CHD6: variants seen among roughly 807,000 people sequenced by gnomAD.
The protein encoded by CHD6 is ATP-dependent chromatin remodeler CHD6.
CHD6 carries 50 observed loss-of-function variants against 276.9 expected under a neutral mutation model. The observed-to-expected ratio is 0.18, with a 90% confidence interval of 0.14 to 0.23. The LOEUF (loss-of-function observed/expected upper bound fraction) is 0.23. CHD6 is among the 10% of genes least tolerant of loss of function. CHD6 has a pLI of 1.00. For synonymous variants in CHD6, 1,173 were observed against 1,229.3 expected (o/e 0.95, Z 0.96); for missense variants, 2,564 against 3,365.8 (o/e 0.76, Z 5.89).
chr20:41,583,341 C>T (rs2045560352), intron 1 of CHD6, among the ~76,000 whole-genome samples: 1 of 151,870 alleles, frequency 6.6e-6, no homozygotes, highest in Admixed American at 6.6e-5. Flanking sequence ...CACCAGACTA[C>T]TCATCAGATT....
At chr20:41,580,852 T>C (rs2045530227) in intron 1 of CHD6, among the ~76,000 whole-genome samples, 1 of 152,122 alleles carries the variant, frequency 6.6e-6, no homozygotes, top group Non-Finnish European at 1.5e-5. Flanking sequence ...CTGGGAAATT[T>C]ATTTCTCTAT....
At chr20:41,425,745 T>C (rs1308929120) in intron 28 of CHD6, among the ~76,000 whole-genome samples, 3 of 151,098 alleles carry the variant, frequency 2.0e-5, no homozygotes, top group Non-Finnish European at 4.4e-5. Context: ...TTCAGAAAAT[T>C]CAAAAACCAA....
At position 41,513,004 on chromosome 20, in the gene CHD6, C is replaced by A. The variant is rs1342625958; in HGVS notation, c.703-9G>T. ...CTTCCCGAGCGTCGTTTCTGTAGGG[C>A]AAACACACCCGTCAGAGAAGCTCTC... On this transcript the variant is annotated splice_polypyrimidine_tract_variant and intron_variant, in intron 4 of 36. Transcript: ENST00000373233. The A allele has an allele frequency of 1.2e-6, 2 of 1,613,942 alleles. No individual in the cohort carries two copies. Among genetic ancestry groups the A allele is most frequent in the African/African-American group, 2.7e-5 (2 of 75,038 alleles).
chr20:41,415,620 C>G lies in CHD6; in HGVS notation c.6505G>C (p.Val2169Leu). 1 of 1,597,542 alleles carries G rather than the reference C, an allele frequency of 6.3e-7. No homozygotes were observed. Among genetic ancestry groups the G allele is most frequent in the Non-Finnish European group, 8.5e-7 (1 of 1,173,322 alleles). The change falls in exon 34 of 37, where the codon GTA (valine) becomes CTA (leucine). Residue 2169 changes from valine (V) to leucine (L), a missense_variant. Physicochemically the swap from Val to Leu is conservative, Grantham distance 32. Coordinates refer to ENST00000373233, the MANE Select transcript of CHD6 (RefSeq NM_032221.5). ...QIHKESFLAP[V>L]FTKDEQKHRR... ...TGCTTTTGTTCATCCTTTGTGAATA[C>G]TGGAGCTAAGAAGCTCTCCTGTGAA...
rs2145965208 is a variant in CHD6 at position 41,512,918 on chromosome 20, C to T, written c.780G>A (p.Gly260=). The change falls in exon 5 of 37, where the codon GGG becomes GGA. Residue 260 remains glycine (G), a synonymous_variant. Transcript: ENST00000373233. The part of the protein sequence containing the change: ...DLDFKVVDDD[G]ETIAVLGAGR... ...CAGCTCCAAGAACAGCAATTGTTTC[C>T]CCATCATCATCCACCACTTTGAAGT... 1.2e-6 allele frequency: 2 copies of T among 1,613,976 alleles called. No homozygotes were observed. The highest frequency in any genetic ancestry group is 1.7e-6 in the Non-Finnish European group (2 of 1,179,944).
chr20:41,489,810 G>A lies in CHD6; in HGVS notation c.1648C>T (p.Gln550Ter). Residue 550 changes from glutamine to a stop codon, truncating the protein, a stop_gained, in exon 12 of 37, where the codon CAG (glutamine) becomes TAG (stop). Transcript: ENST00000373233. LOFTEE classifies it high-confidence loss of function. Reference protein sequence around the residue: ...HGSQISRQMIQQYEMVYRDAQ... With the variant: ...HGSQISRQMI ...TCTCTGTACACCATTTCATACTGCT[G>A]GATCATCTGCCTGCTGATCTGGCTG... is the stretch of plus-strand genomic sequence containing the variant. 6.2e-7 allele frequency: 1 copy of A among 1,613,962 alleles called. No individual in the cohort carries two copies. Among genetic ancestry groups the A allele is most frequent in the Non-Finnish European group, 8.5e-7 (1 of 1,179,912 alleles).
In CHD6 at chr20:41,421,087, T is replaced by A; in HGVS notation, c.5548A>T (p.Asn1850Tyr). 6.2e-7 allele frequency: 1 copy of A among 1,614,184 alleles called. No individual in the cohort carries two copies. ...SDQQLIDLLE[N>Y]KSLESKLILS... is the part of the protein sequence containing the mutation. ...ATCAATTTACTTTCTAAGCTTTTGT[T>A]TTCCAATAAATCAATTAATTGCTGA... Residue 1850 changes from asparagine to tyrosine, a missense_variant, in exon 31 of 37, where the codon AAC (asparagine) becomes TAC (tyrosine). Physicochemically the swap from Asn to Tyr is moderately radical, Grantham distance 143. Coordinates refer to ENST00000373233, the MANE Select transcript of CHD6 (RefSeq NM_032221.5).
chr20:41,594,906 T>C (rs1169879013), intron 1 of CHD6, among the ~76,000 whole-genome samples: 3 of 152,238 alleles, frequency 2.0e-5, no homozygotes, highest in Admixed American at 6.5e-5. Flanking sequence ...CAGTGTGTTC[T>C]TGTGATCGGA....
chr20:41,487,542 A>C (rs949279121), intron 14 of CHD6, 123 bp downstream of exon 14: 23 of 899,586 alleles, frequency 2.6e-5, no homozygotes, highest in Non-Finnish European at 3.6e-5. Context: ...AAAATAAAGG[A>C]GGTAACGCTC....
At chr20:41,593,954 G>A (rs909961247) in intron 1 of CHD6, among the ~76,000 whole-genome samples, 1 of 150,834 alleles carries the variant, frequency 6.6e-6, no homozygotes, top group Non-Finnish European at 1.5e-5. Context: ...TTTTGGTATG[G>A]CCCTAACGAA....
At chr20:41,501,836 T>G (rs968726007) in intron 5 of CHD6, among the ~76,000 whole-genome samples, 1 of 152,208 alleles carries the variant, frequency 6.6e-6, no homozygotes, top group Non-Finnish European at 1.5e-5. Context: ...CTTTAGCATG[T>G]TAGCCATTCT....
chr20:41,567,143 ACT>A (rs1332997585), intron 1 of CHD6, among the ~76,000 whole-genome samples: 1 of 151,780 alleles, frequency 6.6e-6, no homozygotes, highest in African/African-American at 2.4e-5. Context: ...CCAAGATAAG[ACT>A]CTGTTGTTAA....
chr20:41,456,419 T>C (rs2048379114), intron 18 of CHD6, among the ~76,000 whole-genome samples: 1 of 151,880 alleles, frequency 6.6e-6, no homozygotes, highest in Non-Finnish European at 1.5e-5. Flanking sequence ...TGAGGTCATT[T>C]CTCAACTAAA....
intron 16 of CHD6, among the ~76,000 whole-genome samples, chr20:41,475,062 T>C (rs569248518): frequency 6.6e-6 from 1 of 152,324 alleles, no homozygotes; most frequent in East Asian, 1.9e-4. Flanking sequence ...TTTTGTGTCA[T>C]AGACAAAGGC....
chr20:41,478,606 A>G (rs2043220634), intron 16 of CHD6, among the ~76,000 whole-genome samples: 1 of 152,124 alleles, frequency 6.6e-6, no homozygotes, highest in South Asian at 2.1e-4. Context: ...AGAAATAGAG[A>G]TGGGAACCCC....
chr20:41,500,999 G>A (rs2043817394), intron 5 of CHD6, among the ~76,000 whole-genome samples: 2 of 152,156 alleles, frequency 1.3e-5, no homozygotes, highest in African/African-American at 2.4e-5. Context: ...AAAGCTAGGT[G>A]TGCATTAATG....
At position 41,425,720 on chromosome 20, in the gene CHD6, C is replaced by T. The variant is rs372377424; in HGVS notation, c.4130-326G>A. On this transcript the variant is annotated intron_variant, in intron 28 of 36. Transcript: ENST00000373233. ...CCTGCACCTTCCAATTACCAAAGCT[C>T]CTCTCACGTCTGAATTCAGAAAATT... Among the ~76,000 whole-genome samples, 14 of 152,108 alleles carry T rather than the reference C, an allele frequency of 9.2e-5. No individual in the cohort carries two copies. The East Asian group carries it at 2.1e-3, about 23-fold the overall frequency.
chr20:41,508,442 GAA>G (rs1176475196), intron 5 of CHD6, among the ~76,000 whole-genome samples: 1 of 152,164 alleles, frequency 6.6e-6, no homozygotes, highest in African/African-American at 2.4e-5. Context: ...GGTATTTTGG[GAA>G]AGTTATCCTG....
intron 2 of CHD6, among the ~76,000 whole-genome samples, chr20:41,539,309 T>C (rs1406898333): frequency 2.6e-5 from 4 of 152,238 alleles, no homozygotes; most frequent in Non-Finnish European, 5.9e-5. Flanking sequence ...CTGTCTTCTC[T>C]GTATCTCACC....
Sources: gnomAD v4.1 joint callset for allele counts (sites outside exome capture counted in the v4.1 genomes callset) on GRCh38, gnomAD v4.1.1 for gene constraint, MANE v1.5 for transcripts, NCBI Gene and HGNC (gene_info 2026-07-23, HGNC 2026-07-21) for gene names.